The following NPL variants were observed in gnomAD, a reference collection of about 807,000 sequenced individuals.
NPL encodes N-acetylneuraminate lyase.
NPL carries 32 observed loss-of-function variants against 41.1 expected under a neutral mutation model. The observed-to-expected ratio is 0.78, with a 90% CI of 0.59 to 1.05. The LOEUF is 1.05. NPL is among the 50% of genes least tolerant of loss of function. The pLI is 0.00. For missense variants in NPL, 321 were observed against 378.4 expected (o/e 0.85, Z 1.26); for synonymous variants, 128 against 134.9 (o/e 0.95, Z 0.35).
In NPL at chr1:182,828,392, AG is replaced by A. The variant is rs905343281; in HGVS notation, c.779-329del. On this transcript the variant is annotated intron_variant, in intron 12 of 12. Coordinates refer to ENST00000367553, the MANE Select transcript of NPL (RefSeq NM_030769.3). This position sits in a 1 kb window ranked among gnomAD's most constrained non-coding sequence, Gnocchi z 4.0. ...ATATTCCTAAATCAGATTATCCTCA[AG>A]GGCTGTTTGGCATCAGCTTCTCCTC... Among the ~76,000 whole-genome samples, 2 of 152,156 alleles carry A rather than the reference AG, an allele frequency of 1.3e-5. No homozygotes were observed. The highest frequency in any genetic ancestry group is 6.5e-5 in the Admixed American group (1 of 15,270).
intron 11 of NPL, among the ~76,000 whole-genome samples, chr1:182,824,769 C>G (rs1667587418): frequency 6.6e-6 from 1 of 152,012 alleles, no homozygotes; most frequent in Non-Finnish European, 1.5e-5. Flanking sequence ...CGCACTCCAG[C>G]CTGGGTGACA....
chr1:182,822,262 T>C (rs1667509746), intron 11 of NPL, 63 bp downstream of exon 11: 1 of 1,104,054 alleles, frequency 9.1e-7, no homozygotes. Context: ...GAGGATTCTT[T>C]TTCTTCTCTC....
At chr1:182,825,917 T>C in intron 12 of NPL, 97 bp downstream of exon 12, 1 of 917,756 alleles carries the variant, frequency 1.1e-6, no homozygotes, top group South Asian at 1.3e-5. Context: ...GAACACTTTT[T>C]AATGGTCTGT....
intron 5 of NPL, among the ~76,000 whole-genome samples, chr1:182,807,509 C>T (rs147985501): frequency 2.6e-5 from 4 of 151,806 alleles, no homozygotes; most frequent in Admixed American, 6.6e-5. Context: ...CAGTTAATTT[C>T]GTGAGATCTA....
At chr1:182,818,362 A>G (rs938598719) in intron 8 of NPL, among the ~76,000 whole-genome samples, 179 bp from the exon 9 acceptor site, 1 of 152,242 alleles carries the variant, frequency 6.6e-6, no homozygotes, top group African/African-American at 2.4e-5. Context: ...TGGGAAGTTT[A>G]GCATTATAAT....
rs1424841750 is a variant in NPL at position 182,828,391 on chromosome 1, A to T, written c.779-333A>T. ...TATATTCCTAAATCAGATTATCCTC[A>T]AGGGCTGTTTGGCATCAGCTTCTCC... is the stretch of plus-strand genomic sequence containing the variant. On this transcript the variant is annotated intron_variant, in intron 12 of 12. Transcript: ENST00000367553. This position sits in a 1 kb window ranked among gnomAD's most constrained non-coding sequence, Gnocchi z 4.0. Among the ~76,000 whole-genome samples, 2 of 152,112 alleles carry T rather than the reference A, an allele frequency of 1.3e-5. No individual in the cohort carries two copies. Among genetic ancestry groups the T allele is most frequent in the Admixed American group, 1.3e-4 (2 of 15,274 alleles).
chr1:182,824,671 C>T (rs1667583160), intron 11 of NPL, among the ~76,000 whole-genome samples: 1 of 152,052 alleles, frequency 6.6e-6, no homozygotes, highest in African/African-American at 2.4e-5. Flanking sequence ...GTGGCGGGCG[C>T]CTGTAGTCCC....
chr1:182,800,265 GTC>G (rs1450951745), intron 3 of NPL, among the ~76,000 whole-genome samples: 8 of 151,702 alleles, frequency 5.3e-5, no homozygotes, highest in Admixed American at 3.9e-4. Context: ...GTAAAACCCT[GTC>G]TCTACAAAAA....
chr1:182,811,118 T>C (rs1667164374), intron 5 of NPL, among the ~76,000 whole-genome samples: 1 of 152,190 alleles, frequency 6.6e-6, no homozygotes, highest in African/African-American at 2.4e-5. Flanking sequence ...TACATAAATA[T>C]GTGCAATATC....
At chr1:182,793,868 C>T (rs1197729497) in intron 2 of NPL, among the ~76,000 whole-genome samples, 1 of 151,986 alleles carries the variant, frequency 6.6e-6, no homozygotes, top group Non-Finnish European at 1.5e-5. Flanking sequence ...TTTTTTTCAA[C>T]CAAATACGGA....
intron 3 of NPL, 66 bp downstream of exon 3, chr1:182,794,505 G>C: frequency 6.7e-7 from 1 of 1,489,648 alleles, no homozygotes; most frequent in Non-Finnish European, 9.4e-7. Flanking sequence ...GAAGTTCTTT[G>C]TAACAACAGT....
Position 182,828,581 on chromosome 1 carries a change from T to TCGAATG in NPL, c.779-143_779-142insCGAATG. The TCGAATG allele has an allele frequency of 9.7e-7, 1 of 1,033,736 alleles. No homozygotes were observed. The highest frequency in any genetic ancestry group is 1.5e-6 in the Non-Finnish European group (1 of 687,580). The allele number at this position is 1,033,736 out of a possible 1,614,324, so 64.0% of individuals were successfully genotyped here. On this transcript the variant is annotated intron_variant, in intron 12 of 12. Transcript: ENST00000367553. The surrounding 1 kb of genome is among the most constrained non-coding windows in gnomAD (Gnocchi z 4.0). ...ATTTCGAATGATTGCTCATCTGTCA[T>TCGAATG]ATTGACTAGAAATGTTCCCATCTTT...
intron 7 of NPL, among the ~76,000 whole-genome samples, chr1:182,816,021 T>C (rs1324444907): frequency 6.6e-6 from 1 of 152,262 alleles, no homozygotes; most frequent in East Asian, 1.9e-4. Context: ...TAGACTTGAA[T>C]ACACATCGTA....
intron 2 of NPL, among the ~76,000 whole-genome samples, 153 bp downstream of exon 2, chr1:182,792,439 G>GGCATA (rs1666541787): frequency 6.6e-6 from 1 of 152,156 alleles, no homozygotes; most frequent in Admixed American, 6.5e-5. Flanking sequence ...ATATACAGCA[G>GGCATA]GCATAGCATC....
intron 7 of NPL, among the ~76,000 whole-genome samples, chr1:182,815,847 C>T (rs1205795522): frequency 6.6e-6 from 1 of 152,216 alleles, no homozygotes; most frequent in African/African-American, 2.4e-5. Context: ...CCTTGATCCT[C>T]CTGCCTCAGC....
chr1:182,810,143 G>A (rs1484280564), intron 5 of NPL, among the ~76,000 whole-genome samples: 1 of 152,172 alleles, frequency 6.6e-6, no homozygotes, highest in African/African-American at 2.4e-5. Context: ...TCTGTCTCAT[G>A]AGGGCATGTG....
At chr1:182,815,001 A>G in intron 7 of NPL, 143 bp downstream of exon 7, 1 of 683,918 alleles carries the variant, frequency 1.5e-6, no homozygotes, top group Non-Finnish European at 2.6e-6. Flanking sequence ...GTTCTCTGAA[A>G]TATTTGCTCT....
chr1:182,818,403 G>A (rs1043129608), intron 8 of NPL, 138 bp from the exon 9 acceptor site: 37 of 1,024,490 alleles, frequency 3.6e-5, no homozygotes, highest in Non-Finnish European at 5.1e-5. Context: ...GCTAGTCAGG[G>A]ACCAGTGATT....
intron 12 of NPL, chr1:182,826,206 C>A: frequency 3.8e-6 from 1 of 265,694 alleles, no homozygotes; most frequent in Non-Finnish European, 7.3e-6. Context: ...GACAGCTCTC[C>A]CAAGAGTATT....
Sources: allele counts gnomAD v4.1 joint callset (sites outside exome capture counted in the v4.1 genomes callset), GRCh38; gene constraint gnomAD v4.1.1; non-coding constraint Gnocchi (gnomAD v3.1); transcripts MANE v1.5; gene names NCBI Gene and HGNC (gene_info 2026-07-23, HGNC 2026-07-21).